RHOBTB2: variants seen among roughly 807,000 people sequenced by gnomAD.
RHOBTB2 encodes the protein rho-related BTB domain-containing protein 2.
A neutral mutation model predicts 66.5 loss-of-function variants in RHOBTB2; 39 were observed. That is an observed-to-expected ratio of 0.59 (90% CI 0.45 to 0.77). The LOEUF (loss-of-function observed/expected upper bound fraction) is 0.77, where lower values mean the gene tolerates loss of function less well. RHOBTB2 is among the 30% of genes least tolerant of loss of function. RHOBTB2 has a pLI of 0.00. For missense variants in RHOBTB2, 755 were observed against 999.1 expected, an observed-to-expected ratio of 0.76 and a Z score of 3.29; for synonymous variants, 390 against 395.0, an observed-to-expected ratio of 0.99 and a Z score of 0.15.
the RHOBTB2 span, among the ~76,000 whole-genome samples, chr8:22,958,802 GAA>G: frequency 5.7e-5 from 3 of 52,190 alleles, no homozygotes; most frequent in African/African-American, 7.6e-5. Context: ...GCCCCTCTCT[GAA>G]AAAAAAAAAA....
At chr8:22,970,459 C>T in the RHOBTB2 span, among the ~76,000 whole-genome samples, 1 of 152,106 alleles carries the variant, frequency 6.6e-6, no homozygotes, top group South Asian at 2.1e-4. Context: ...ATAATGTAAG[C>T]TGGGCATTGT....
Position 23,017,651 on chromosome 8 carries a change from G to A in RHOBTB2, c.*182G>A. ...CCAGAGAGGAGCTGAGCCCTGTGGA[G>A]CAGAACGGGAACCACCTGCAGAGGT... On this transcript the variant is annotated 3_prime_UTR_variant, in exon 10 of 10. Transcript: ENST00000251822. The surrounding 1 kb of genome is among the most constrained non-coding windows in gnomAD (Gnocchi z 5.3). 1 of 987,324 alleles carries A rather than the reference G, an allele frequency of 1.0e-6. No homozygotes were observed. The allele number at this position is 987,324 out of a possible 1,614,324, so 61.2% of individuals were successfully genotyped here.
chr8:22,994,776 C>G (rs746614726), upstream of RHOBTB2: 6 of 664,538 alleles, frequency 9.0e-6, no homozygotes, highest in Non-Finnish European at 1.3e-5. Context: ...AAATACCTTT[C>G]TTTTTGAGAC....
the RHOBTB2 span, among the ~76,000 whole-genome samples, chr8:22,971,473 G>C: frequency 5.3e-5 from 8 of 151,868 alleles, no homozygotes; most frequent in African/African-American, 1.9e-4. Flanking sequence ...ACTACACCTG[G>C]CCCTATCTCT....
chr8:22,997,628 G>A (rs1541611), upstream of RHOBTB2, among the ~76,000 whole-genome samples: 40,894 of 152,126 alleles, frequency 0.27, 6,111 homozygotes, highest in Admixed American at 0.33. Context: ...CTTACAGTCC[G>A]AGCAGCCACC....
In RHOBTB2 at chr8:22,988,192, C is replaced by A. The variant is rs193017247; in HGVS notation, c.-137+629C>A. Among the ~76,000 whole-genome samples, 13 of 127,218 alleles carry A rather than the reference C, an allele frequency of 1.0e-4. 1 individual carries two copies. The East Asian group carries it at 3.5e-3, about 34-fold the overall frequency. The allele number at this position is 127,218 out of a possible 152,430, so 83.5% of individuals were successfully genotyped here. A position where few individuals can be genotyped will look rare whatever the true frequency, so the allele number is the denominator to read the frequency against. ...TTTTTTTTTTTGAGATGGAGTCTCA[C>A]TCTGTCACCCAGGTTGGAGTGCAAT... On this transcript the variant is annotated intron_variant, in intron 1 of 11. Transcript: ENST00000519685.
At chr8:22,993,831 C>G (rs952626730) in intron 2 of RHOBTB2, among the ~76,000 whole-genome samples, 8 of 152,186 alleles carry the variant, frequency 5.3e-5, no homozygotes, top group South Asian at 2.1e-4. Context: ...CTGATCACTT[C>G]CAATCTCTCC....
the RHOBTB2 span, among the ~76,000 whole-genome samples, chr8:22,965,142 T>G: frequency 6.6e-6 from 1 of 152,156 alleles, no homozygotes; most frequent in Admixed American, 6.6e-5. Flanking sequence ...GAATCTCATT[T>G]CTAGGCTGAA....
the RHOBTB2 span, among the ~76,000 whole-genome samples, chr8:22,981,004 A>G: frequency 2.6e-5 from 4 of 152,262 alleles, no homozygotes; most frequent in African/African-American, 9.6e-5. Context: ...TCTTCCAAGT[A>G]TGATACGTTA....
In RHOBTB2 at chr8:23,004,316, G is replaced by T; in HGVS notation, c.-10-109G>T. 2.2e-6 allele frequency: 2 copies of T among 915,720 alleles called. No individual in the cohort carries two copies. Among genetic ancestry groups the T allele is most frequent in the East Asian group, 2.5e-5 (1 of 39,388 alleles). 56.7% of individuals were successfully genotyped at this position (915,720 alleles called of 1,614,324 possible). ...ACTCCTTCCTCCTCCTGTCAGCTCC[G>T]GGGCTTGCAGAGGGGGCAGCCTGGC... On this transcript the variant is annotated intron_variant, in intron 1 of 9. Coordinates refer to ENST00000251822, the MANE Select transcript of RHOBTB2 (RefSeq NM_015178.3). This position sits in a 1 kb window ranked among gnomAD's most constrained non-coding sequence, Gnocchi z 6.4.
Position 23,007,516 on chromosome 8 carries a change from G to C in RHOBTB2, c.1271G>C (p.Gly424Ala). ...AAGATGGACAGTTCCATCCAGCCGG[G>C]GCCCTTCCGGGCTGTCCTCAAGTAC... ...VVKMDSSIQP[G>A]PFRAVLKYLY... The change falls in exon 5 of 10, where the codon GGG (glycine) becomes GCG (alanine). Residue 424 changes from glycine to alanine, a missense_variant. Gly to Ala is a moderately conservative substitution (Grantham distance 60). Coordinates refer to ENST00000251822, the MANE Select transcript of RHOBTB2 (RefSeq NM_015178.3). 1.2e-6 allele frequency: 2 copies of C among 1,614,022 alleles called. No individual in the cohort carries two copies. Among genetic ancestry groups the C allele is most frequent in the Non-Finnish European group, 1.7e-6 (2 of 1,179,992 alleles).
chr8:22,994,472 G>A (rs1585181541), intron 2 of RHOBTB2: 7 of 760,860 alleles, frequency 9.2e-6, no homozygotes, highest in East Asian at 2.8e-5. Context: ...TGGGCTGAGC[G>A]ACCTTGGAGT....
chr8:22,978,495 A>C, the RHOBTB2 span, among the ~76,000 whole-genome samples: 22 of 151,032 alleles, frequency 1.5e-4, no homozygotes, highest in East Asian at 1.9e-3. Context: ...CAAAAAAAAA[A>C]AAAACAAAAA....
intron 8 of RHOBTB2, among the ~76,000 whole-genome samples, chr8:23,015,181 C>G (rs1023994074): frequency 3.3e-5 from 5 of 152,216 alleles, no homozygotes; most frequent in African/African-American, 1.2e-4. Flanking sequence ...GCCAGAAATT[C>G]AGCCACCAAA....
chr8:22,968,879 T>G, the RHOBTB2 span, among the ~76,000 whole-genome samples: 1 of 151,028 alleles, frequency 6.6e-6, no homozygotes, highest in African/African-American at 2.5e-5. Context: ...GGGAAAGGCC[T>G]TTCTAAGAAT....
intron 8 of RHOBTB2, among the ~76,000 whole-genome samples, 195 bp from the exon 9 acceptor site, chr8:23,015,443 G>C (rs765918296): frequency 1.3e-5 from 2 of 152,090 alleles, no homozygotes; most frequent in Non-Finnish European, 2.9e-5. Flanking sequence ...GGTGCTGGCG[G>C]TGGTGCCAAG....
At position 23,007,256 on chromosome 8, in the gene RHOBTB2, C is replaced by A; in HGVS notation, c.1011C>A (p.Asp337Glu). 6.2e-7 allele frequency: 1 copy of A among 1,612,558 alleles called. No individual in the cohort carries two copies. The highest frequency in any genetic ancestry group is 8.5e-7 in the Non-Finnish European group (1 of 1,179,950). Residue 337 changes from aspartate (D) to glutamate (E), a missense_variant, in exon 5 of 10, where the codon GAC (aspartate) becomes GAA (glutamate). By Grantham distance (45) the Asp-to-Glu change is conservative. This residue lies in a region of RHOBTB2 where 247 missense variants were observed against 238.9 expected (regional missense o/e 1.03). Transcript: ENST00000251822. ...ATCACCACCACCACCATGGGCGAGA[C>A]TTCCTGCTCCGAGCAGCCAGCTTTG... Reference protein sequence around the residue: ...HHHHHHHHGRDFLLRAASFDV... With the variant: ...HHHHHHHHGREFLLRAASFDV...
the RHOBTB2 span, among the ~76,000 whole-genome samples, chr8:22,971,588 C>T: frequency 6.6e-6 from 1 of 152,198 alleles, no homozygotes; most frequent in South Asian, 2.1e-4. Flanking sequence ...AAGAACAAGG[C>T]CAGCTTGTTC....
rs1563298077 is a variant in RHOBTB2 at position 23,017,616 on chromosome 8, C to CGTGG, written c.*148_*151dup. The CGTGG allele has an allele frequency of 7.7e-7, 1 of 1,306,640 alleles. No homozygotes were observed. Among genetic ancestry groups the CGTGG allele is most frequent in the African/African-American group, 1.5e-5 (1 of 67,542 alleles). 80.9% of individuals were successfully genotyped at this position (1,306,640 alleles called of 1,614,324 possible). On this transcript the variant is annotated 3_prime_UTR_variant, in exon 10 of 10. Coordinates refer to ENST00000251822, the MANE Select transcript of RHOBTB2 (RefSeq NM_015178.3). The surrounding 1 kb of genome is among the most constrained non-coding windows in gnomAD (Gnocchi z 5.3). The stretch of plus-strand genomic sequence containing the variant: ...GGGTGGAGCTCTTCTTACCAGCCAC[C>CGTGG]GTGGCTCAGCCAGAGAGGAGCTGAG...
Sources: gnomAD v4.1 joint callset for allele counts (sites outside exome capture counted in the v4.1 genomes callset) on GRCh38, gnomAD v4.1.1 for gene constraint, gnomAD v4.1.1 regional missense constraint, Gnocchi (gnomAD v3.1) non-coding constraint, MANE v1.5 for transcripts, NCBI Gene and HGNC (gene_info 2026-07-23, HGNC 2026-07-21) for gene names.